Variants in VWA3B observed in about 807,000 individuals in gnomAD.
The protein encoded by VWA3B is von Willebrand factor A domain-containing protein 3B.
VWA3B carries 138 observed loss-of-function variants against 158.3 expected under a neutral mutation model. The ratio of observed to expected loss-of-function variants is 0.87; its 90% CI spans 0.76 to 1.00. The LOEUF is 1.00. Ranked by LOEUF, VWA3B falls within the 50% of genes least tolerant of loss-of-function variation. The pLI, the probability that VWA3B is intolerant of heterozygous loss-of-function variation, is 0.00. For synonymous variants in VWA3B, 596 were observed against 587.3 expected (o/e 1.01, Z -0.21); for missense variants, 1,555 against 1,565.1 (o/e 0.99, Z 0.11).
rs62154881 is a variant in VWA3B at position 98,139,319 on chromosome 2, C to A, written c.988+5380C>A. Among the ~76,000 whole-genome samples the A allele has an allele frequency of 2.6e-5, 4 of 152,374 alleles. No homozygotes were observed. In the East Asian group the frequency reaches 7.7e-4, roughly 29 times the overall value. Reference sequence around the variant, plus strand: ...TGGGCTCCTGTGCAGCCCAAGCCTCCCCGACGAGCGCCACCCCCTGCTCCA... The same window carrying A: ...TGGGCTCCTGTGCAGCCCAAGCCTCACCGACGAGCGCCACCCCCTGCTCCA... On this transcript the variant is annotated intron_variant, in intron 7 of 27. Transcript: ENST00000477737.
At chr2:98,294,247 G>C (rs1689667917) in intron 23 of VWA3B, among the ~76,000 whole-genome samples, 1 of 130,764 alleles carries the variant, frequency 7.6e-6, no homozygotes, top group Non-Finnish European at 1.6e-5. Context: ...CAAATAAAAT[G>C]TTGCAGAGCA....
At chr2:98,325,832 A>G in the VWA3B span, among the ~76,000 whole-genome samples, 4 of 152,224 alleles carry the variant, frequency 2.6e-5, no homozygotes, top group Non-Finnish European at 2.9e-5. Context: ...ACCAAAAACC[A>G]GTAGAGATTA....
intron 22 of VWA3B, among the ~76,000 whole-genome samples, chr2:98,272,807 T>TGAGG: frequency 6.6e-6 from 1 of 152,302 alleles, no homozygotes; most frequent in Non-Finnish European, 1.5e-5. Context: ...GGCTAGACCA[T>TGAGG]GAGGGCTCTG....
In VWA3B at chr2:98,181,059, C is replaced by T. The variant is rs754887037; in HGVS notation, c.1158C>T (p.Asp386=). The T allele has an allele frequency of 3.1e-6, 5 of 1,614,100 alleles. No individual in the cohort carries two copies. In the South Asian group the frequency reaches 3.3e-5, roughly 11 times the overall value. ...TTGAGATTGCATCGAATCCAGAAGA[C>T]ACCTGGGACTCTAAGACATGGCTGC... ...TSVEIASNPE[D]TWDSKTWLQK... Residue 386 remains aspartate (D), a synonymous_variant, in exon 9 of 28, where the codon GAC becomes GAT. Coordinates refer to ENST00000477737, the MANE Select transcript of VWA3B (RefSeq NM_144992.5).
At chr2:98,146,175 G>C (rs1677161259) in intron 7 of VWA3B, among the ~76,000 whole-genome samples, 1 of 152,136 alleles carries the variant, frequency 6.6e-6, no homozygotes, top group Non-Finnish European at 1.5e-5. Context: ...AAAAATGTTG[G>C]ATCGTAATTG....
intron 12 of VWA3B, among the ~76,000 whole-genome samples, chr2:98,208,877 G>A (rs994540374): frequency 2.0e-5 from 3 of 151,306 alleles, no homozygotes; most frequent in Admixed American, 6.6e-5. Context: ...TTCTTTTCTC[G>A]TTCTCTTTCT....
intron 13 of VWA3B, among the ~76,000 whole-genome samples, chr2:98,215,570 T>G (rs552915696): frequency 1.0e-3 from 157 of 150,840 alleles, no homozygotes; most frequent in African/African-American, 3.5e-3. Flanking sequence ...CAGGCTAGAG[T>G]GTAGTGGCGC....
At chr2:98,261,660 T>C (rs1227411636) in intron 21 of VWA3B, among the ~76,000 whole-genome samples, 1 of 151,720 alleles carries the variant, frequency 6.6e-6, no homozygotes, top group East Asian at 1.9e-4. Context: ...TTTTGAAGAG[T>C]AGTGTTACTA....
At chr2:98,107,737 TA>T (rs1673788971) in intron 2 of VWA3B, among the ~76,000 whole-genome samples, 1 of 152,136 alleles carries the variant, frequency 6.6e-6, no homozygotes, top group Non-Finnish European at 1.5e-5. Flanking sequence ...TTGATATCTG[TA>T]ATTTATACCT....
At chr2:98,310,097 C>T (rs1222711583) in intron 26 of VWA3B, among the ~76,000 whole-genome samples, 1 of 152,190 alleles carries the variant, frequency 6.6e-6, no homozygotes, top group Admixed American at 6.5e-5. Flanking sequence ...TCTTCATTCT[C>T]CACCCCTTCA....
intron 5 of VWA3B, among the ~76,000 whole-genome samples, chr2:98,122,499 T>C (rs147999733): frequency 6.6e-6 from 1 of 152,218 alleles, no homozygotes; most frequent in Non-Finnish European, 1.5e-5. Context: ...AAAGAACAAA[T>C]GTTTTCCATT....
intron 9 of VWA3B, among the ~76,000 whole-genome samples, chr2:98,187,221 C>T (rs1194472925): frequency 2.0e-5 from 3 of 152,198 alleles, no homozygotes; most frequent in South Asian, 2.1e-4. Flanking sequence ...CCTTCCTCCA[C>T]GTGTCATCCT....
intron 12 of VWA3B, among the ~76,000 whole-genome samples, chr2:98,208,406 A>T (rs1001855098): frequency 6.6e-6 from 1 of 151,738 alleles, no homozygotes; most frequent in Non-Finnish European, 1.5e-5. Flanking sequence ...TTTATTTATT[A>T]TTTTTGTGTG....
intron 7 of VWA3B, among the ~76,000 whole-genome samples, chr2:98,138,860 C>G (rs943355456): frequency 4.6e-5 from 7 of 152,258 alleles, no homozygotes; most frequent in Non-Finnish European, 1.0e-4. Context: ...CACAGCCTCG[C>G]TCACTCTCAG....
At chr2:98,233,062 C>T (rs1274745091) in intron 16 of VWA3B, among the ~76,000 whole-genome samples, 2 of 152,238 alleles carry the variant, frequency 1.3e-5, no homozygotes, top group East Asian at 1.9e-4. Flanking sequence ...AACAAACAGC[C>T]TTCCCACACT....
chr2:98,309,742 T>G (rs1014732481), intron 26 of VWA3B, among the ~76,000 whole-genome samples: 1 of 152,232 alleles, frequency 6.6e-6, no homozygotes, highest in African/African-American at 2.4e-5. Flanking sequence ...ATCACTTCAC[T>G]TAATCTCGCC....
At chr2:98,233,602 G>A (rs1206038107) in intron 16 of VWA3B, among the ~76,000 whole-genome samples, 1 of 152,190 alleles carries the variant, frequency 6.6e-6, no homozygotes, top group East Asian at 1.9e-4. Flanking sequence ...GACAATCAAG[G>A]CAGGGCTTAC....
At chr2:98,137,428 A>T (rs573402332) in intron 7 of VWA3B, among the ~76,000 whole-genome samples, 1 of 152,314 alleles carries the variant, frequency 6.6e-6, no homozygotes, top group South Asian at 2.1e-4. Flanking sequence ...GCTTGTTGAA[A>T]TTTTGACATA....
chr2:98,093,364 C>T, intron 2 of VWA3B, 76 bp downstream of exon 2: 1 of 1,466,620 alleles, frequency 6.8e-7, no homozygotes, highest in Non-Finnish European at 9.4e-7. Context: ...CTCTGAAGGC[C>T]CCTCAAAAAC....
Sources: allele counts gnomAD v4.1 joint callset (sites outside exome capture counted in the v4.1 genomes callset), GRCh38; gene constraint gnomAD v4.1.1; transcripts MANE v1.5; gene names NCBI Gene and HGNC (gene_info 2026-07-23, HGNC 2026-07-21).